Variants in SLC49A3 observed in about 807,000 individuals in gnomAD.
SLC49A3 encodes solute carrier family 49 member 3.
SLC49A3 carries 50 observed loss-of-function variants against 43.8 expected under a neutral mutation model. That is an observed-to-expected ratio of 1.14 (90% CI 0.91 to 1.45). SLC49A3 has a LOEUF of 1.45. Among genes scored for constraint, SLC49A3 ranks in the 40% most tolerant of loss-of-function variants. The pLI is 0.00. For missense variants in SLC49A3, 906 were observed against 774.1 expected, an observed-to-expected ratio of 1.17 and a Z score of -2.02; for synonymous variants, 413 against 352.0, an observed-to-expected ratio of 1.17 and a Z score of -1.94.
At chr4:677,575 G>T (rs983623682), downstream of SLC49A3, among the ~76,000 whole-genome samples, 4 of 152,250 alleles carry the variant, frequency 2.6e-5, no homozygotes, top group African/African-American at 9.6e-5. Flanking sequence ...CTGACAGACA[G>T]AGTGTGCTTG....
intron 1 of SLC49A3, among the ~76,000 whole-genome samples, chr4:688,545 T>TG (rs1217321712): frequency 6.6e-6 from 1 of 151,390 alleles, no homozygotes; most frequent in East Asian, 1.9e-4. Context: ...CTGAAGGGGG[T>TG]GGGGGCAGGA....
At chr4:677,985 C>A, downstream of SLC49A3, 1 of 1,613,292 alleles carries the variant, frequency 6.2e-7, no homozygotes, top group South Asian at 1.1e-5. Context: ...TGGGCAAGAC[C>A]TGGGGCCCTG....
chr4:678,922 GGTTGGC>G, downstream of SLC49A3: 1 of 1,611,932 alleles, frequency 6.2e-7, no homozygotes, highest in Non-Finnish European at 8.5e-7. Context: ...AGCCCAGCCG[GGTTGGC>G]AGCACAGCAG....
Position 685,663 on chromosome 4 carries a change from G to A in SLC49A3, c.585+172C>T, listed in dbSNP as rs1490156819. ...GGAGGTTGCAGTGAGCCGAGATCGC[G>A]CCACTGCAATTCAGCCTGAGCGACA... On this transcript the variant is annotated intron_variant, in intron 4 of 9. Coordinates refer to ENST00000322224, the MANE Select transcript of SLC49A3 (RefSeq NM_032219.4). The surrounding 1 kb of genome is among the most constrained non-coding windows in gnomAD (Gnocchi z 4.3). 2.6e-5 allele frequency among the ~76,000 whole-genome samples: 4 copies of A among 152,014 alleles called. No individual in the cohort carries two copies. The highest frequency in any genetic ancestry group is 1.9e-4 in the East Asian group (1 of 5,162).
At chr4:688,956 G>T in intron 1 of SLC49A3, 37 bp downstream of exon 1, 1 of 1,575,354 alleles carries the variant, frequency 6.3e-7, no homozygotes. Context: ...GAGGGACTGA[G>T]GGTCCCGGAG....
At chr4:680,094 A>G, downstream of SLC49A3, 2 of 1,354,790 alleles carry the variant, frequency 1.5e-6, no homozygotes, top group Admixed American at 2.2e-5. Flanking sequence ...TCACGTAAAA[A>G]TCTCTCTTTT....
At chr4:690,819 G>T (rs1231026385), upstream of SLC49A3, among the ~76,000 whole-genome samples, 1 of 152,380 alleles carries the variant, frequency 6.6e-6, no homozygotes, top group South Asian at 2.1e-4. Context: ...GGTTGAGCAG[G>T]TGAGCTCAGC....
At chr4:681,120 G>C, downstream of SLC49A3, 3 of 1,607,314 alleles carry the variant, frequency 1.9e-6, no homozygotes, top group Non-Finnish European at 2.5e-6. Flanking sequence ...GTCCCAGGCT[G>C]ACAAGATGAC....
chr4:680,484 T>A (rs548351810), downstream of SLC49A3: 2 of 1,612,910 alleles, frequency 1.2e-6, no homozygotes, highest in African/African-American at 2.7e-5. Context: ...CTGACGGCCC[T>A]GGGCTGAAGG....
At chr4:684,333 A>C in intron 6 of SLC49A3, 150 bp downstream of exon 6, 1 of 1,065,580 alleles carries the variant, frequency 9.4e-7, no homozygotes, top group Non-Finnish European at 1.4e-6. Flanking sequence ...AATGTCACAC[A>C]GGGCATCTCG....
At position 686,128 on chromosome 4, in the gene SLC49A3, C is replaced by T. The variant is rs767215532; in HGVS notation, c.469G>A (p.Glu157Lys). The change falls in exon 3 of 10, where the codon GAG (glutamate) becomes AAG (lysine). Residue 157 changes from glutamate to lysine, a missense_variant. Coordinates refer to ENST00000322224, the MANE Select transcript of SLC49A3 (RefSeq NM_032219.4). Reference sequence around the variant, plus strand: ...ATGTTGGCCGTGGCTCGCTGGTGCTCTGGGAACCACAAGGCAGCCAGCTTG... The same window carrying T: ...ATGTTGGCCGTGGCTCGCTGGTGCTTTGGGAACCACAAGGCAGCCAGCTTG... ...PAKLAALWFP[E>K]HQRATANMLA... 6.2e-7 allele frequency: 1 copy of T among 1,613,006 alleles called. No individual in the cohort carries two copies. Among genetic ancestry groups the T allele is most frequent in the African/African-American group, 1.3e-5 (1 of 74,914 alleles).
chr4:681,742 C>T (rs1203243222), downstream of SLC49A3: 1 of 881,912 alleles, frequency 1.1e-6, no homozygotes, highest in African/African-American at 2.0e-5. Context: ...CCAGCGCCGC[C>T]CCGCCCCCTC....
In SLC49A3 at chr4:685,780, A is replaced by G; in HGVS notation, c.585+55T>C. Reference sequence around the variant, plus strand: ...CACACTTGGGATCAGGAACACACAGACGTGCATGCGCACACACCACACAGA... The same window carrying G: ...CACACTTGGGATCAGGAACACACAGGCGTGCATGCGCACACACCACACAGA... On this transcript the variant is annotated intron_variant, in intron 4 of 9. Transcript: ENST00000322224. This position sits in a 1 kb window ranked among gnomAD's most constrained non-coding sequence, Gnocchi z 4.3. 1.3e-6 allele frequency: 2 copies of G among 1,569,976 alleles called. No individual in the cohort carries two copies. The highest frequency in any genetic ancestry group is 1.8e-6 in the Non-Finnish European group (2 of 1,141,136).
chr4:686,362 C>T (rs1309986576), intron 2 of SLC49A3, 60 bp from the exon 3 acceptor site: 1 of 1,582,598 alleles, frequency 6.3e-7, no homozygotes, highest in African/African-American at 1.3e-5. Flanking sequence ...AGTGCCTGCC[C>T]CGTCCCCCGA....
chr4:681,407 C>T (rs1739499161), downstream of SLC49A3, among the ~76,000 whole-genome samples: 1 of 152,018 alleles, frequency 6.6e-6, no homozygotes, highest in Non-Finnish European at 1.5e-5. Flanking sequence ...GCCGGAGGGG[C>T]GGGGCTCACA....
rs1035778362 is a variant in SLC49A3, at chr4:682,106, C to A, written c.1532G>T (p.Cys511Phe). 3 of 1,373,016 alleles carry A rather than the reference C, an allele frequency of 2.2e-6. No homozygotes were observed. The highest frequency in any genetic ancestry group is 2.9e-6 in the Non-Finnish European group (3 of 1,051,938). 85.1% of individuals were successfully genotyped at this position (1,373,016 alleles called of 1,614,324 possible). A position where few individuals can be genotyped will look rare whatever the true frequency, so the allele number is the denominator to read the frequency against. Residue 511 changes from cysteine to phenylalanine, a missense_variant, in exon 10 of 10, where the codon TGC (cysteine) becomes TTC (phenylalanine). By Grantham distance (205) the Cys-to-Phe change is radical. Transcript: ENST00000322224. ...PRGPGSPHPA[C>F]HRATPRAQGP... is the part of the protein sequence containing the mutation. ...TTGCGCACGGGGAGTCGCTCGGTGG[C>A]AGGCTGGGTGGGGGCTCCCGGGCCC...
chr4:677,006 G>A, downstream of SLC49A3: 1 of 867,292 alleles, frequency 1.2e-6, no homozygotes, highest in South Asian at 5.3e-5. Context: ...CATGCAAGTG[G>A]CACCTGTCTT....
chr4:678,916 C>T (rs767996026), downstream of SLC49A3: 2 of 1,611,868 alleles, frequency 1.2e-6, no homozygotes, highest in Non-Finnish European at 1.7e-6. Flanking sequence ...GGGCAGAGCC[C>T]AGCCGGGTTG....
At chr4:689,294 C>T (rs1363600190), upstream of SLC49A3, 1 of 377,938 alleles carries the variant, frequency 2.6e-6, no homozygotes, top group Non-Finnish European at 4.4e-6. Context: ...CGCCCCGTCC[C>T]AGTTAAAGGA....
Sources: gnomAD v4.1 joint callset for allele counts (sites outside exome capture counted in the v4.1 genomes callset) on GRCh38, gnomAD v4.1.1 for gene constraint, Gnocchi (gnomAD v3.1) non-coding constraint, MANE v1.5 for transcripts, NCBI Gene and HGNC (gene_info 2026-07-23, HGNC 2026-07-21) for gene names.